The following ZNF850 variants were observed in gnomAD, a reference collection of about 807,000 sequenced individuals.
ZNF850 encodes putative zinc finger protein ENSP00000330994.
In ZNF850, 2 loss-of-function variants were observed where a neutral mutation model predicts 11.9. The ratio of observed to expected loss-of-function variants is 0.17; its 90% CI spans 0.07 to 0.53. The LOEUF (loss-of-function observed/expected upper bound fraction) is 0.53. Ranked by LOEUF, ZNF850 falls within the 20% of genes least tolerant of loss-of-function variation. The pLI is 0.94. For synonymous variants in ZNF850, 381 were observed against 443.0 expected (o/e 0.86, Z 1.76); for missense variants, 1,014 against 1,316.4 (o/e 0.77, Z 3.55).
In ZNF850 at chr19:36,748,871, G is replaced by A; in HGVS notation, c.2169C>T (p.His723=). 1 of 1,551,878 alleles carries A rather than the reference G, an allele frequency of 6.4e-7. No homozygotes were observed. The highest frequency in any genetic ancestry group is 8.7e-7 in the Non-Finnish European group (1 of 1,152,184). The stretch of plus-strand genomic sequence containing the variant: ...TACCATCATAGGGTTTCTCATCAGT[G>A]TGATTTTGCTGATGTTGAATTAGTC... The part of the protein sequence containing the change: ...CSGLIQHQQN[H]TDEKPYDGKE... The change falls in exon 5 of 5, where the codon CAC becomes CAT. Residue 723 remains histidine, a synonymous_variant. Transcript: ENST00000591344.
chr19:36,751,043 G>A (rs2040450695), intron 4 of ZNF850, among the ~76,000 whole-genome samples: 1 of 138,676 alleles, frequency 7.2e-6, no homozygotes, highest in South Asian at 2.3e-4. Context: ...TCCAGCCTGG[G>A]CCACAGAGCA....
At position 36,749,053 on chromosome 19, in the gene ZNF850, G is replaced by T; in HGVS notation, c.1987C>A (p.His663Asn). The change falls in exon 5 of 5, where the codon CAT (histidine) becomes AAT (asparagine). Residue 663 changes from histidine (H) to asparagine (N), a missense_variant. By Grantham distance (68) the His-to-Asn change is moderately conservative. Around this residue, in one of 2 missense-constraint regions of ZNF850, gnomAD observed 835 missense variants for 1,022.0 expected, o/e 0.82. Coordinates refer to ENST00000591344, the MANE Select transcript of ZNF850 (RefSeq NM_001193552.2). ...TTCTCACCAGTGTGAATTCTGTGATGTTGGGTGAGTCCTGAGACACTGACA... is the reference window on the plus strand; with the variant it reads ...TTCTCACCAGTGTGAATTCTGTGATTTTGGGTGAGTCCTGAGACACTGACA... ...AFVSVSGLTQ[H>N]HRIHTGEKPY... The T allele has an allele frequency of 6.2e-7, 1 of 1,607,418 alleles. No homozygotes were observed. The highest frequency in any genetic ancestry group is 8.5e-7 in the Non-Finnish European group (1 of 1,177,886).
At chr19:36,762,263 ACAC>A in intron 3 of ZNF850, 39 bp downstream of exon 3, 1 of 1,456,388 alleles carries the variant, frequency 6.9e-7, no homozygotes, top group Non-Finnish European at 9.1e-7. Context: ...ATTGAAAGCT[ACAC>A]CCAAAATTCA....
intron 4 of ZNF850, 47 bp downstream of exon 4, chr19:36,761,596 G>A: frequency 8.9e-7 from 1 of 1,118,130 alleles, no homozygotes; most frequent in Admixed American, 2.1e-5. Context: ...CTGACAGGCT[G>A]GCTTCTAAAC....
At position 36,747,828 on chromosome 19, in the gene ZNF850, C is replaced by T; in HGVS notation, c.3212G>A (p.Gly1071Glu). 6.3e-7 allele frequency: 1 copy of T among 1,576,824 alleles called. No homozygotes were observed. Among genetic ancestry groups the T allele is most frequent in the African/African-American group, 1.3e-5 (1 of 74,116 alleles). The part of the protein sequence containing the change: ...GEKPYECKTC[G>E]KAFKQLTQLT... ...CTGTGTAAGCTGTTTAAAGGCCTTC[C>T]CACATGTCTTACATTCATAGGGTTT... is the stretch of plus-strand genomic sequence containing the variant. Residue 1071 changes from glycine to glutamate, a missense_variant, in exon 5 of 5, where the codon GGG (glycine) becomes GAG (glutamate). Physicochemically the swap from Gly to Glu is moderately conservative, Grantham distance 98. Coordinates refer to ENST00000591344, the MANE Select transcript of ZNF850 (RefSeq NM_001193552.2).
At chr19:36,765,629 G>C (rs1338969393) in intron 1 of ZNF850, among the ~76,000 whole-genome samples, 1 of 139,646 alleles carries the variant, frequency 7.2e-6, no homozygotes, top group Non-Finnish European at 1.5e-5. Context: ...TTGTTGCCCA[G>C]GCTGGAGTGC....
At position 36,762,660 on chromosome 19, in the gene ZNF850, T is replaced by C; in HGVS notation, c.-54A>G. 4.0e-6 allele frequency: 6 copies of C among 1,499,160 alleles called. No homozygotes were observed. Among genetic ancestry groups the C allele is most frequent in the Non-Finnish European group, 5.4e-6 (6 of 1,113,212 alleles). 92.9% of individuals were successfully genotyped at this position (1,499,160 alleles called of 1,614,324 possible). The stretch of plus-strand genomic sequence containing the variant: ...CCTTCATAGAATGGGACATTCCGAA[T>C]ATTCCATGGTTAGAGCTGGGAATGA... On this transcript the variant is annotated 5_prime_UTR_variant, in exon 2 of 5. The change creates a new upstream start codon in the 5' untranslated region. Coordinates refer to ENST00000591344, the MANE Select transcript of ZNF850 (RefSeq NM_001193552.2).
chr19:36,747,820 A>T lies in ZNF850; in HGVS notation c.3220T>A (p.Phe1074Ile). Residue 1074 changes from phenylalanine to isoleucine, a missense_variant, in exon 5 of 5, where the codon TTT becomes ATT. This residue lies in a region of ZNF850 where 179 missense variants were observed against 294.4 expected (regional missense o/e 0.61). Coordinates refer to ENST00000591344, the MANE Select transcript of ZNF850 (RefSeq NM_001193552.2). ...PYECKTCGKAFKQLTQLTRHQ... is the reference protein window; with the variant it reads ...PYECKTCGKAIKQLTQLTRHQ... ...CGAGTAAGCTGTGTAAGCTGTTTAA[A>T]GGCCTTCCCACATGTCTTACATTCA... 3 of 1,572,924 alleles carry T rather than the reference A, an allele frequency of 1.9e-6. No homozygotes were observed. Among genetic ancestry groups the T allele is most frequent in the Non-Finnish European group, 2.6e-6 (3 of 1,163,436 alleles).
intron 4 of ZNF850, among the ~76,000 whole-genome samples, chr19:36,758,346 C>T (rs1171463072): frequency 6.6e-6 from 1 of 152,160 alleles, no homozygotes. Flanking sequence ...TACAAAAGCT[C>T]ATGGATTAAA....
rs567709722 is a variant in ZNF850, at chr19:36,770,703, C to CAAAAAAAAAAAAA, written c.-70+2009_-70+2021dup. Among the ~76,000 whole-genome samples, 38 of 66,600 alleles carry CAAAAAAAAAAAAA rather than the reference C, an allele frequency of 5.7e-4. 3 individuals are homozygous for CAAAAAAAAAAAAA. The highest frequency in any genetic ancestry group is 7.2e-4 in the Non-Finnish European group (23 of 31,918). The allele number at this position is 66,600 out of a possible 152,430, so 43.7% of individuals were successfully genotyped here. A position where few individuals can be genotyped will look rare whatever the true frequency, so the allele number is the denominator to read the frequency against. Reference sequence around the variant, plus strand: ...TCTGGGCGACAGAGAGAGACTCCATCAAAAAAAAAAAAAAAAAAAAAAAAA... The same window carrying CAAAAAAAAAAAAA: ...TCTGGGCGACAGAGAGAGACTCCATCAAAAAAAAAAAAAAAAAAAAAAAAAAAAAAAAAAAAAA... On this transcript the variant is annotated intron_variant, in intron 1 of 4. Coordinates refer to ENST00000591344, the MANE Select transcript of ZNF850 (RefSeq NM_001193552.2).
chr19:36,757,713 G>A (rs1220643101), intron 4 of ZNF850, among the ~76,000 whole-genome samples: 1 of 151,922 alleles, frequency 6.6e-6, no homozygotes, highest in Admixed American at 6.6e-5. Context: ...TTGTTTCACT[G>A]TGTTGATTAG....
intron 4 of ZNF850, among the ~76,000 whole-genome samples, chr19:36,753,099 G>A (rs73617803): frequency 0.04 from 6,086 of 151,568 alleles, 415 homozygotes; most frequent in African/African-American, 0.14. Context: ...ACAAAACCCC[G>A]ACTTTACTAA....
chr19:36,765,914 AG>A (rs1314071921), intron 1 of ZNF850, among the ~76,000 whole-genome samples: 1 of 146,252 alleles, frequency 6.8e-6, no homozygotes, highest in Non-Finnish European at 1.5e-5. Flanking sequence ...TTTTGAGACA[AG>A]TCTCAATCTG....
chr19:36,771,137 G>A (rs1363991284), intron 1 of ZNF850, among the ~76,000 whole-genome samples: 3 of 152,104 alleles, frequency 2.0e-5, no homozygotes, highest in Non-Finnish European at 4.4e-5. Flanking sequence ...TTTCTCTCAC[G>A]GCCAAGAAAA....
chr19:36,766,908 G>C (rs2040552459), intron 1 of ZNF850, among the ~76,000 whole-genome samples: 1 of 152,046 alleles, frequency 6.6e-6, no homozygotes, highest in African/African-American at 2.4e-5. Flanking sequence ...TTCGAGACTA[G>C]CCTGACCAAC....
Position 36,750,680 on chromosome 19 carries a change from G to A in ZNF850, c.360C>T (p.Asp120=). Residue 120 remains aspartate (D), a synonymous_variant, in exon 5 of 5, where the codon GAC becomes GAT. Coordinates refer to ENST00000591344, the MANE Select transcript of ZNF850 (RefSeq NM_001193552.2). The stretch of plus-strand genomic sequence containing the variant: ...GCTGAAACTGGCCTTTGCATTCCCA[G>A]TCATCTCTGACACTGGAGCCCACAA... ...HSLVGSSVRD[D]WECKGQFQHQ... The A allele has an allele frequency of 2.0e-6, 3 of 1,536,080 alleles. No homozygotes were observed. The highest frequency in any genetic ancestry group is 1.7e-6 in the Non-Finnish European group (2 of 1,146,910).
chr19:36,762,717 A>G, intron 1 of ZNF850, 42 bp from the exon 2 acceptor site: 1 of 1,193,034 alleles, frequency 8.4e-7, no homozygotes, highest in East Asian at 2.5e-5. Flanking sequence ...TTTCCCAAAT[A>G]AATGAACTAG....
Position 36,748,497 on chromosome 19 carries a change from T to C in ZNF850, c.2543A>G (p.Lys848Arg), listed in dbSNP as rs1198961664. Residue 848 changes from lysine to arginine, a missense_variant, in exon 5 of 5, where the codon AAA (lysine) becomes AGA (arginine). By Grantham distance (26) the Lys-to-Arg change is conservative. This residue lies in a region of ZNF850 where 835 missense variants were observed against 1,022.0 expected (regional missense o/e 0.82). Transcript: ENST00000591344. ...TAGTGTTGAGCGAGAAGTAAAAGAT[T>C]TCCCACATTCTTTACAACTGTAGCG... ...EKRYSCKECG[K>R]SFTSRSTLIE... 3 of 1,539,476 alleles carry C rather than the reference T, an allele frequency of 1.9e-6. No individual in the cohort carries two copies. In the African/African-American group the frequency reaches 4.1e-5, roughly 21 times the overall value.
At position 36,749,826 on chromosome 19, in the gene ZNF850, C is replaced by G; in HGVS notation, c.1214G>C (p.Arg405Pro). ...TGCCTGGTGTCCAATTAACCCTGAG[C>G]GAAAAGTAAAAGATTTCCCACATTC... Reference protein sequence around the residue: ...CKECGKSFTFRSGLIGHQAIH... With the variant: ...CKECGKSFTFPSGLIGHQAIH... The change falls in exon 5 of 5, where the codon CGC (arginine) becomes CCC (proline). Residue 405 changes from arginine (R) to proline (P), a missense_variant. Arg to Pro is a moderately radical substitution (Grantham distance 103). Around this residue, in one of 2 missense-constraint regions of ZNF850, gnomAD observed 835 missense variants for 1,022.0 expected, o/e 0.82. Transcript: ENST00000591344. 3 of 1,566,058 alleles carry G rather than the reference C, an allele frequency of 1.9e-6. No homozygotes were observed. The highest frequency in any genetic ancestry group is 1.9e-5 in the Admixed American group (1 of 53,014).
Sources: gnomAD v4.1 joint callset for allele counts (sites outside exome capture counted in the v4.1 genomes callset) on GRCh38, gnomAD v4.1.1 for gene constraint, gnomAD v4.1.1 regional missense constraint, MANE v1.5 for transcripts, NCBI Gene and HGNC (gene_info 2026-07-23, HGNC 2026-07-21) for gene names.